XRCC6: variants seen among roughly 807,000 people sequenced by gnomAD.
XRCC6 encodes DNA repair protein Ku70.
A neutral mutation model predicts 65.7 loss-of-function variants in XRCC6; 5 were observed. The ratio of observed to expected loss-of-function variants is 0.08; its 90% CI spans 0.04 to 0.16. The LOEUF is 0.16. XRCC6 is among the 10% of genes least tolerant of loss of function. The pLI, the probability that XRCC6 is intolerant of heterozygous loss-of-function variation, is 1.00. For synonymous variants in XRCC6, 270 were observed against 270.6 expected, an observed-to-expected ratio of 1.00 and a Z score of 0.02; for missense variants, 447 against 738.1, an observed-to-expected ratio of 0.61 and a Z score of 4.57.
At chr22:41,651,689 A>G (rs2067999548) in intron 8 of XRCC6, among the ~76,000 whole-genome samples, 1 of 151,032 alleles carries the variant, frequency 6.6e-6, no homozygotes, top group Non-Finnish European at 1.5e-5. Context: ...TACCACGTCT[A>G]GCTAATTTTT....
In XRCC6 at chr22:41,655,824, A is replaced by G. The variant is rs147090600; in HGVS notation, c.1292-1079A>G. Among the ~76,000 whole-genome samples, 59 of 151,702 alleles carry G rather than the reference A, an allele frequency of 3.9e-4. No individual in the cohort carries two copies. In the East Asian group the frequency reaches 0.01, roughly 26 times the overall value. ...AGTGATCCTCCTGCTTCAGCCTCCC[A>G]AAGTGCTGTGCTTACCGACGTGAGC... On this transcript the variant is annotated intron_variant, in intron 9 of 12. Coordinates refer to ENST00000360079, the MANE Select transcript of XRCC6 (RefSeq NM_001469.5).
At chr22:41,646,235 G>A (rs1266970441) in intron 6 of XRCC6, among the ~76,000 whole-genome samples, 1 of 151,934 alleles carries the variant, frequency 6.6e-6, no homozygotes, top group Non-Finnish European at 1.5e-5. Context: ...CCCGGGAGGT[G>A]GAGGTTGCAG....
At chr22:41,622,177 C>A in intron 2 of XRCC6, 91 bp downstream of exon 2, 1 of 1,311,324 alleles carries the variant, frequency 7.6e-7, no homozygotes, top group Non-Finnish European at 1.1e-6. Context: ...TGTTTGATGG[C>A]CTGCCCTTCT....
chr22:41,635,081 C>T (rs146985625), intron 3 of XRCC6, among the ~76,000 whole-genome samples: 7 of 152,264 alleles, frequency 4.6e-5, no homozygotes, highest in East Asian at 3.9e-4. Context: ...CAGGACTCCC[C>T]GTGGATTCCA....
Position 41,647,521 on chromosome 22 carries a change from C to T in XRCC6, c.960+439C>T, listed in dbSNP as rs536063950. On this transcript the variant is annotated intron_variant, in intron 7 of 12. Transcript: ENST00000360079. ...ACTTGAACCCGGGAGGCAGAGGTTG[C>T]GGTGAGCCGAGATCACGCCATTGCG... 8.2e-5 allele frequency among the ~76,000 whole-genome samples: 12 copies of T among 146,088 alleles called. No individual in the cohort carries two copies. In the East Asian group the frequency reaches 1.7e-3, roughly 21 times the overall value.
At chr22:41,624,869 C>T (rs1326734917) in intron 2 of XRCC6, among the ~76,000 whole-genome samples, 3 of 149,802 alleles carry the variant, frequency 2.0e-5, no homozygotes, top group South Asian at 2.1e-4. Context: ...TGGTGGCAGG[C>T]GCTTGTAGTC....
At chr22:41,622,133 C>T (rs2067614574) in intron 2 of XRCC6, 47 bp downstream of exon 2, 2 of 1,586,686 alleles carry the variant, frequency 1.3e-6, no homozygotes, top group Non-Finnish European at 1.7e-6. Context: ...GGAAGAAAGA[C>T]CTTCCCTGCC....
At chr22:41,646,034 T>TTAC (rs2067928703) in intron 6 of XRCC6, among the ~76,000 whole-genome samples, 1 of 151,914 alleles carries the variant, frequency 6.6e-6, no homozygotes, top group Non-Finnish European at 1.5e-5. Context: ...CCAAACATGG[T>TTAC]AGCTCACACC....
At chr22:41,644,858 T>C (rs1405574088) in intron 6 of XRCC6, among the ~76,000 whole-genome samples, 1 of 152,084 alleles carries the variant, frequency 6.6e-6, no homozygotes, top group African/African-American at 2.4e-5. Context: ...GAGTAATATG[T>C]CATGATGGAA....
intron 11 of XRCC6, 50 bp downstream of exon 11, chr22:41,658,402 G>C (rs369043204): frequency 9.6e-5 from 149 of 1,554,684 alleles, no homozygotes; most frequent in Non-Finnish European, 1.2e-4. Flanking sequence ...TTTCTTACTG[G>C]TTCCACTCTG....
intron 2 of XRCC6, among the ~76,000 whole-genome samples, chr22:41,625,290 CAT>C (rs2067657630): frequency 2.6e-5 from 4 of 152,186 alleles, no homozygotes; most frequent in Admixed American, 6.5e-5. Context: ...TCTTGACACA[CAT>C]TGCCATTTTG....
intron 9 of XRCC6, among the ~76,000 whole-genome samples, chr22:41,656,349 C>T (rs2068044841): frequency 6.6e-6 from 1 of 151,806 alleles, no homozygotes; most frequent in Non-Finnish European, 1.5e-5. Flanking sequence ...GGCGAAACCC[C>T]ATCTTTACCG....
At chr22:41,622,894 G>A (rs1435799759) in intron 2 of XRCC6, among the ~76,000 whole-genome samples, 2 of 151,332 alleles carry the variant, frequency 1.3e-5, no homozygotes, top group Non-Finnish European at 2.9e-5. Context: ...GCAGTGAGCC[G>A]AGATGGCGCC....
At chr22:41,655,217 T>TGA (rs2068033820) in intron 9 of XRCC6, among the ~76,000 whole-genome samples, 1 of 151,960 alleles carries the variant, frequency 6.6e-6, no homozygotes, top group African/African-American at 2.4e-5. Flanking sequence ...AATGAAAAGG[T>TGA]GAGAGTTCTT....
chr22:41,629,410 T>G (rs2067715332), intron 3 of XRCC6, among the ~76,000 whole-genome samples: 1 of 152,198 alleles, frequency 6.6e-6, no homozygotes, highest in African/African-American at 2.4e-5. Context: ...AGATGAATCT[T>G]GAAAGTATTA....
chr22:41,657,375 A>G (rs1452381889), intron 10 of XRCC6, among the ~76,000 whole-genome samples: 1 of 152,082 alleles, frequency 6.6e-6, no homozygotes, highest in Non-Finnish European at 1.5e-5. Context: ...TTAAAGGCTT[A>G]AAAGAATGAT....
At chr22:41,649,042 C>T (rs2067964174) in intron 7 of XRCC6, among the ~76,000 whole-genome samples, 1 of 149,866 alleles carries the variant, frequency 6.7e-6, no homozygotes, top group South Asian at 2.1e-4. Context: ...TGAGATCAGC[C>T]TGGGCATCAT....
At chr22:41,623,481 G>A (rs373584663) in intron 2 of XRCC6, among the ~76,000 whole-genome samples, 50 of 146,320 alleles carry the variant, frequency 3.4e-4, no homozygotes, top group African/African-American at 5.8e-4. Context: ...TCCGCCTCCC[G>A]GGTTCATGCC....
intron 2 of XRCC6, among the ~76,000 whole-genome samples, chr22:41,627,146 G>A (rs1169413023): frequency 6.6e-6 from 1 of 152,134 alleles, no homozygotes; most frequent in East Asian, 1.9e-4. Flanking sequence ...AAAGCATCTT[G>A]GCTCTTCAGA....
Sources: gnomAD v4.1 joint callset for allele counts (sites outside exome capture counted in the v4.1 genomes callset) on GRCh38, gnomAD v4.1.1 for gene constraint, MANE v1.5 for transcripts, NCBI Gene and HGNC (gene_info 2026-07-23, HGNC 2026-07-21) for gene names.